JMJD1C: variants seen among roughly 807,000 people sequenced by gnomAD.
The protein encoded by JMJD1C is jumonji domain-containing protein 1C.
A neutral mutation model predicts 245.3 loss-of-function variants in JMJD1C; 31 were observed. The observed-to-expected ratio is 0.13, with a 90% CI of 0.09 to 0.17. JMJD1C has a LOEUF of 0.17. JMJD1C is among the 10% of genes least tolerant of loss of function. JMJD1C has a pLI of 1.00. For synonymous variants in JMJD1C, 1,057 were observed against 1,017.4 expected, an observed-to-expected ratio of 1.04 and a Z score of -0.74; for missense variants, 2,691 against 3,000.2, an observed-to-expected ratio of 0.90 and a Z score of 2.41.
In JMJD1C at chr10:63,205,289, A is replaced by G. The variant is rs12240770; in HGVS notation, c.5074+1306T>C. ...GAATGAGCAGCATTAAATAGATAGT[A>G]ATTTCCATAAGCTTCCAATTTTGTC... On this transcript the variant is annotated intron_variant, in intron 10 of 25. Transcript: ENST00000399262. Among the ~76,000 whole-genome samples, 949 of 152,316 alleles carry G rather than the reference A, an allele frequency of 6.2e-3. 11 individuals carry two copies. Among genetic ancestry groups the G allele is most frequent in the African/African-American group, 0.021 (878 of 41,572 alleles).
At chr10:63,516,055 C>A (rs1955008522) in intron 1 of JMJD1C, among the ~76,000 whole-genome samples, 2 of 151,960 alleles carry the variant, frequency 1.3e-5, no homozygotes, top group South Asian at 4.2e-4. Flanking sequence ...TTTTATGGTA[C>A]TTTCAGTTTT....
intron 1 of JMJD1C, among the ~76,000 whole-genome samples, chr10:63,475,662 A>G (rs1953637479): frequency 6.6e-6 from 1 of 152,208 alleles, no homozygotes; most frequent in Non-Finnish European, 1.5e-5. Flanking sequence ...CAAAAGAGAA[A>G]GCTCAATTCC....
At chr10:63,449,117 AAAAATAAAAT>A (rs367691693) in intron 1 of JMJD1C, among the ~76,000 whole-genome samples, 3,238 of 152,070 alleles carry the variant, frequency 0.021, 115 homozygotes, top group African/African-American at 0.072. Flanking sequence ...ACTCCGTCTC[AAAAATAAAAT>A]AAAATAAAAT....
intron 2 of JMJD1C, among the ~76,000 whole-genome samples, chr10:63,365,945 AC>A (rs1261135389): frequency 1.3e-5 from 2 of 152,222 alleles, no homozygotes; most frequent in Admixed American, 6.5e-5. Context: ...GGCTTTGGCC[AC>A]TGGACTATCT....
At chr10:63,473,067 G>A (rs1012784950) in intron 1 of JMJD1C, among the ~76,000 whole-genome samples, 10 of 152,136 alleles carry the variant, frequency 6.6e-5, no homozygotes, top group Admixed American at 5.2e-4. Context: ...ACGGGCGTAA[G>A]CCACTGCCCC....
At chr10:63,387,018 C>T (rs1947660383) in intron 1 of JMJD1C, among the ~76,000 whole-genome samples, 1 of 152,318 alleles carries the variant, frequency 6.6e-6, no homozygotes, top group African/African-American at 2.4e-5. Flanking sequence ...CCATTAAGAA[C>T]CACCCACTAA....
intron 1 of JMJD1C, among the ~76,000 whole-genome samples, chr10:63,396,230 C>A (rs1412363827): frequency 1.3e-5 from 2 of 152,084 alleles, no homozygotes; most frequent in Non-Finnish European, 2.9e-5. Flanking sequence ...CTAAATCTCA[C>A]GTGCCTTTTA....
intron 3 of JMJD1C, among the ~76,000 whole-genome samples, chr10:63,263,558 T>G (rs932360804): frequency 6.6e-6 from 1 of 152,222 alleles, no homozygotes; most frequent in African/African-American, 2.4e-5. Flanking sequence ...TTTCTTTCCA[T>G]GCAATTACTG....
chr10:63,498,839 A>C (rs1170663966), intron 1 of JMJD1C, among the ~76,000 whole-genome samples: 1 of 152,156 alleles, frequency 6.6e-6, no homozygotes, highest in African/African-American at 2.4e-5. Context: ...TTTATCTTGC[A>C]TAACTGAATC....
chr10:63,418,893 A>T (rs755181033), intron 1 of JMJD1C, among the ~76,000 whole-genome samples: 6 of 151,958 alleles, frequency 3.9e-5, no homozygotes, highest in Non-Finnish European at 7.4e-5. Context: ...CCTGGCCAAT[A>T]TAGTGAAACT....
intron 2 of JMJD1C, among the ~76,000 whole-genome samples, chr10:63,322,281 A>C (rs1477449145): frequency 1.3e-5 from 2 of 152,174 alleles, no homozygotes; most frequent in Non-Finnish European, 2.9e-5. Context: ...TAAGGACTCT[A>C]AATTTTCAGA....
chr10:63,257,745 T>C (rs1854157774), intron 3 of JMJD1C, among the ~76,000 whole-genome samples: 1 of 152,244 alleles, frequency 6.6e-6, no homozygotes, highest in South Asian at 2.1e-4. Context: ...AGTACAGTTT[T>C]GTTGTCATCT....
intron 14 of JMJD1C, 171 bp from the exon 15 acceptor site, chr10:63,193,643 T>C (rs964293125): frequency 4.1e-6 from 2 of 484,082 alleles, no homozygotes; most frequent in African/African-American, 2.0e-5. Context: ...GTTTTGATTA[T>C]TCAACCAAAT....
intron 2 of JMJD1C, among the ~76,000 whole-genome samples, chr10:63,286,456 G>C (rs1224988250): frequency 6.6e-6 from 1 of 152,190 alleles, no homozygotes; most frequent in African/African-American, 2.4e-5. Context: ...ATATATCTCA[G>C]AGCAGAGCAC....
At chr10:63,284,845 G>T (rs1857784363) in intron 2 of JMJD1C, among the ~76,000 whole-genome samples, 1 of 143,646 alleles carries the variant, frequency 7.0e-6, no homozygotes, top group Admixed American at 7.2e-5. Context: ...GCCATTCCCT[G>T]GCAGGGAAGA....
intron 1 of JMJD1C, among the ~76,000 whole-genome samples, chr10:63,391,328 G>T (rs1564868588): frequency 6.6e-6 from 1 of 152,102 alleles, no homozygotes; most frequent in Non-Finnish European, 1.5e-5. Context: ...GGCTAACACG[G>T]TGAAACCCCG....
intron 1 of JMJD1C, among the ~76,000 whole-genome samples, chr10:63,408,861 G>A (rs543148217): frequency 6.6e-6 from 1 of 152,228 alleles, no homozygotes; most frequent in South Asian, 2.1e-4. Context: ...TGGAGGGCCA[G>A]TACAGATATA....
intron 1 of JMJD1C, chr10:63,427,235 G>C (rs1950495765): frequency 5.9e-6 from 1 of 170,382 alleles, no homozygotes; most frequent in Non-Finnish European, 1.3e-5. Flanking sequence ...GTCCCCGCGT[G>C]TCTCCCAGAA....
chr10:63,351,428 A>T (rs555114936), intron 2 of JMJD1C, among the ~76,000 whole-genome samples: 1 of 152,162 alleles, frequency 6.6e-6, no homozygotes, highest in Non-Finnish European at 1.5e-5. Context: ...TCTAACGTGA[A>T]TAATTCCAAT....
Sources: allele counts gnomAD v4.1 joint callset (sites outside exome capture counted in the v4.1 genomes callset), GRCh38; gene constraint gnomAD v4.1.1; transcripts MANE v1.5; gene names NCBI Gene and HGNC (gene_info 2026-07-23, HGNC 2026-07-21).